ANKRD50: variants seen among roughly 807,000 people sequenced by gnomAD.
ANKRD50 encodes the protein ankyrin repeat domain-containing protein 50.
Under a neutral mutation model 112.0 loss-of-function variants are expected in ANKRD50, and 40 were observed. That is an observed-to-expected ratio of 0.36 (90% CI 0.28 to 0.46). The LOEUF is 0.46. ANKRD50 is among the 20% of genes least tolerant of loss of function. ANKRD50 has a pLI of 1.00. For synonymous variants in ANKRD50, 613 were observed against 619.1 expected (o/e 0.99, Z 0.15); for missense variants, 1,487 against 1,701.7 (o/e 0.87, Z 2.22).
rs963788240 is a variant in ANKRD50 at position 124,666,017 on chromosome 4, A to C, written c.*1501T>G. On this transcript the variant is annotated 3_prime_UTR_variant, in exon 5 of 5. Transcript: ENST00000504087. ...TAGAAGTAGCAATGGTTTTGTGCTGAATCTCCAAATTCTCTTTCCTCATTC... is the reference window on the plus strand; with the variant it reads ...TAGAAGTAGCAATGGTTTTGTGCTGCATCTCCAAATTCTCTTTCCTCATTC... 1.3e-5 allele frequency: 2 copies of C among 152,026 alleles called. No homozygotes were observed. Among genetic ancestry groups the C allele is most frequent in the African/African-American group, 4.8e-5 (2 of 41,442 alleles). 9.4% of individuals were successfully genotyped at this position (152,026 alleles called of 1,614,324 possible).
chr4:124,673,633 G>C (rs75589457), intron 3 of ANKRD50, among the ~76,000 whole-genome samples: 6 of 151,998 alleles, frequency 3.9e-5, no homozygotes, highest in Admixed American at 1.3e-4. Flanking sequence ...AGAGAAGGAC[G>C]AGTCAAAGCT....
At chr4:124,709,061 C>CCA (rs112440315) in intron 2 of ANKRD50, among the ~76,000 whole-genome samples, 2,245 of 133,622 alleles carry the variant, frequency 0.017, 53 homozygotes, top group African/African-American at 0.056. Flanking sequence ...CAGAAGAGAG[C>CCA]CACACACACA....
chr4:124,669,527 A>G lies in ANKRD50; in HGVS notation c.3750T>C (p.Ser1250=). The G allele has an allele frequency of 6.2e-7, 1 of 1,612,740 alleles. No individual in the cohort carries two copies. The highest frequency in any genetic ancestry group is 8.5e-7 in the Non-Finnish European group (1 of 1,179,670). Residue 1250 remains serine, a synonymous_variant, in exon 4 of 5, where the codon AGT becomes AGC. Coordinates refer to ENST00000504087, the MANE Select transcript of ANKRD50 (RefSeq NM_020337.3). ...TTACTTGACTCCACTCAAATTCACT[A>G]CTTGGTGAATTATGACTCTGTCCTA... The part of the protein sequence containing the change: ...QSLGQSHNSP[S]SEFEWSQVKP...
At chr4:124,687,966 T>C (rs1382592687) in intron 2 of ANKRD50, among the ~76,000 whole-genome samples, 1 of 152,214 alleles carries the variant, frequency 6.6e-6, no homozygotes, top group Non-Finnish European at 1.5e-5. Flanking sequence ...ACCTACTACA[T>C]GTCCTAGCAA....
intron 2 of ANKRD50, among the ~76,000 whole-genome samples, chr4:124,698,131 G>T (rs1046437895): frequency 6.6e-6 from 1 of 150,560 alleles, no homozygotes; most frequent in African/African-American, 2.4e-5. Context: ...GAATAATGAT[G>T]GGAAAGGGTA....
chr4:124,684,004 C>A (rs1323247827), intron 2 of ANKRD50, among the ~76,000 whole-genome samples: 1 of 146,278 alleles, frequency 6.8e-6, no homozygotes, highest in Non-Finnish European at 1.5e-5. Context: ...TTGCTATGTT[C>A]CATCTCATTC....
At chr4:124,679,844 T>A (rs1347867516) in intron 2 of ANKRD50, among the ~76,000 whole-genome samples, 1 of 152,184 alleles carries the variant, frequency 6.6e-6, no homozygotes, top group African/African-American at 2.4e-5. Flanking sequence ...CAATTCTTCG[T>A]CTCTTTTACC....
At position 124,667,399 on chromosome 4, in the gene ANKRD50, C is replaced by A. The variant is rs993791855; in HGVS notation, c.*119G>T. The A allele has an allele frequency of 6.6e-6, 1 of 151,948 alleles. No individual in the cohort carries two copies. Among genetic ancestry groups the A allele is most frequent in the Non-Finnish European group, 1.5e-5 (1 of 67,942 alleles). 9.4% of individuals were successfully genotyped at this position (151,948 alleles called of 1,614,324 possible). On this transcript the variant is annotated 3_prime_UTR_variant, in exon 5 of 5. Transcript: ENST00000504087. ...TACAGTAATTAAGGTAACTGTACTGCAGAGATCACATTCTTCATTTTTTTT... is the reference window on the plus strand; with the variant it reads ...TACAGTAATTAAGGTAACTGTACTGAAGAGATCACATTCTTCATTTTTTTT...
intron 2 of ANKRD50, among the ~76,000 whole-genome samples, chr4:124,700,118 A>T (rs1187529881): frequency 1.3e-5 from 2 of 152,208 alleles, no homozygotes; most frequent in Admixed American, 6.5e-5. Flanking sequence ...GATTCAGTGA[A>T]TAAGGAAAGC....
chr4:124,677,418 T>C (rs1730797837), intron 3 of ANKRD50, among the ~76,000 whole-genome samples: 1 of 151,732 alleles, frequency 6.6e-6, no homozygotes, highest in South Asian at 2.1e-4. Flanking sequence ...TAAAAAGAGA[T>C]TTATTGATGG....
At chr4:124,703,242 G>T (rs539248124) in intron 2 of ANKRD50, among the ~76,000 whole-genome samples, 3 of 152,164 alleles carry the variant, frequency 2.0e-5, no homozygotes, top group Middle Eastern at 3.4e-3. Context: ...AAGCCTAAAG[G>T]CAAATTGAGC....
At chr4:124,708,483 A>C (rs927341760) in intron 2 of ANKRD50, among the ~76,000 whole-genome samples, 1 of 152,136 alleles carries the variant, frequency 6.6e-6, no homozygotes, top group Admixed American at 6.5e-5. Flanking sequence ...GGCTGACTTT[A>C]ATAAATTCCT....
intron 2 of ANKRD50, among the ~76,000 whole-genome samples, chr4:124,701,851 A>G (rs1270143417): frequency 1.3e-5 from 2 of 152,156 alleles, no homozygotes; most frequent in Non-Finnish European, 2.9e-5. Flanking sequence ...GTATCTAGTT[A>G]CCTTATTTCA....
chr4:124,686,141 T>G (rs1725003003), intron 2 of ANKRD50, among the ~76,000 whole-genome samples: 1 of 152,218 alleles, frequency 6.6e-6, no homozygotes, highest in African/African-American at 2.4e-5. Flanking sequence ...CTTTTAAAGC[T>G]ACTATAAATA....
Position 124,669,208 on chromosome 4 carries a change from T to C in ANKRD50, c.4069A>G (p.Lys1357Glu). The C allele has an allele frequency of 6.2e-7, 1 of 1,613,740 alleles. No homozygotes were observed. The highest frequency in any genetic ancestry group is 8.5e-7 in the Non-Finnish European group (1 of 1,179,800). The stretch of plus-strand genomic sequence containing the variant: ...GGATTTGTCATTATTCCATTTCTCT[T>C]CTTCTGTTCCCCACTTTGTTGGTGA... ...LIHQQSGEQKKRNGIMTNPNY... is the reference protein window; with the variant it reads ...LIHQQSGEQKERNGIMTNPNY... Residue 1357 changes from lysine to glutamate, a missense_variant, in exon 4 of 5, where the codon AAG (lysine) becomes GAG (glutamate). Transcript: ENST00000504087.
chr4:124,699,936 CAA>C (rs1725351071), intron 2 of ANKRD50, among the ~76,000 whole-genome samples: 1 of 151,832 alleles, frequency 6.6e-6, no homozygotes, highest in Admixed American at 6.6e-5. Flanking sequence ...GCCCTGGATA[CAA>C]AGAGGACAAG....
At chr4:124,711,760 TA>T (rs201656664) in intron 1 of ANKRD50, among the ~76,000 whole-genome samples, 45 of 143,984 alleles carry the variant, frequency 3.1e-4, no homozygotes, top group East Asian at 2.3e-3. Context: ...GGAAACGGTT[TA>T]AAAAAAAAAA....
At chr4:124,703,650 T>G (rs901811462) in intron 2 of ANKRD50, among the ~76,000 whole-genome samples, 8 of 151,030 alleles carry the variant, frequency 5.3e-5, no homozygotes, top group Non-Finnish European at 1.0e-4. Flanking sequence ...GAGAACCAAG[T>G]ACTGTCAAAA....
intron 4 of ANKRD50, 126 bp downstream of exon 4, chr4:124,668,858 T>A (rs1411839962): frequency 1.2e-6 from 1 of 814,808 alleles, no homozygotes; most frequent in Non-Finnish European, 1.9e-6. Flanking sequence ...ATGAGGCAGG[T>A]CTGGCCCAGA....
Sources: gnomAD v4.1 joint callset for allele counts (sites outside exome capture counted in the v4.1 genomes callset) on GRCh38, gnomAD v4.1.1 for gene constraint, MANE v1.5 for transcripts, NCBI Gene and HGNC (gene_info 2026-07-23, HGNC 2026-07-21) for gene names.